RARB: variants seen among roughly 807,000 people sequenced by gnomAD.
RARB encodes the protein retinoic acid receptor beta.
In RARB, 17 loss-of-function variants were observed where a neutral mutation model predicts 51.9. The ratio of observed to expected loss-of-function variants is 0.33; its 90% confidence interval spans 0.22 to 0.49. The LOEUF (loss-of-function observed/expected upper bound fraction) is 0.49. Among genes scored for constraint, RARB ranks in the 20% least tolerant of loss-of-function variants. RARB has a pLI of 0.99. For synonymous variants in RARB, 215 were observed against 195.4 expected, an observed-to-expected ratio of 1.10 and a Z score of -0.84; for missense variants, 369 against 550.8, an observed-to-expected ratio of 0.67 and a Z score of 3.30.
At chr3:24,944,548 G>C (rs1695734971) in intron 2 of RARB, among the ~76,000 whole-genome samples, 1 of 152,138 alleles carries the variant, frequency 6.6e-6, no homozygotes, top group Non-Finnish European at 1.5e-5. Flanking sequence ...AGAAGTAATA[G>C]AGCTAGAATT....
intron 5 of RARB, among the ~76,000 whole-genome samples, chr3:25,207,423 T>A (rs938400951): frequency 3.9e-5 from 6 of 152,214 alleles, no homozygotes; most frequent in Admixed American, 2.6e-4. Context: ...TCACATCTTA[T>A]CTTTCCTGTT....
intron 2 of RARB, among the ~76,000 whole-genome samples, chr3:24,960,457 A>G (rs1227733840): frequency 6.6e-6 from 1 of 152,228 alleles, no homozygotes; most frequent in African/African-American, 2.4e-5. Flanking sequence ...TCAATTGAGC[A>G]GACATCCTGC....
chr3:25,583,604 G>C (rs1701271314), intron 5 of RARB, among the ~76,000 whole-genome samples: 1 of 152,226 alleles, frequency 6.6e-6, no homozygotes, highest in African/African-American at 2.4e-5. Flanking sequence ...GAATCATGAG[G>C]TGAGAGCCCT....
chr3:24,908,338 A>T (rs1304236663), intron 2 of RARB, among the ~76,000 whole-genome samples: 9 of 152,038 alleles, frequency 5.9e-5, no homozygotes, highest in East Asian at 3.9e-4. Context: ...CCTATTTTTT[A>T]AAAAATATGT....
intron 2 of RARB, among the ~76,000 whole-genome samples, chr3:24,934,826 A>C (rs76091220): frequency 0.038 from 5,708 of 152,190 alleles, 222 homozygotes; most frequent in East Asian, 0.18. Flanking sequence ...ATAAAGCATA[A>C]AATGAATTTA....
chr3:25,491,760 G>T (rs1449626596), intron 2 of RARB, among the ~76,000 whole-genome samples: 2 of 152,074 alleles, frequency 1.3e-5, no homozygotes, highest in Admixed American at 1.3e-4. Context: ...GGCCAACATG[G>T]TGAAACCCTG....
intron 5 of RARB, among the ~76,000 whole-genome samples, chr3:25,179,285 T>G (rs923285272): frequency 3.3e-5 from 5 of 152,210 alleles, no homozygotes; most frequent in African/African-American, 9.6e-5. Flanking sequence ...GACAATTGGC[T>G]CAGAGGTGTG....
At chr3:25,041,290 T>C (rs574626587) in intron 2 of RARB, among the ~76,000 whole-genome samples, 1 of 152,308 alleles carries the variant, frequency 6.6e-6, no homozygotes, top group South Asian at 2.1e-4. Context: ...AAGTTCTATA[T>C]TTGATGAATT....
intron 2 of RARB, among the ~76,000 whole-genome samples, chr3:25,014,196 A>C (rs1437250418): frequency 6.6e-6 from 1 of 152,034 alleles, no homozygotes; most frequent in African/African-American, 2.4e-5. Context: ...CCTTTTTGCA[A>C]TATAACTATG....
chr3:24,994,928 C>A (rs1480527805), intron 2 of RARB, among the ~76,000 whole-genome samples: 1 of 152,078 alleles, frequency 6.6e-6, no homozygotes, highest in Non-Finnish European at 1.5e-5. Context: ...TAGTGTGATA[C>A]TTCCAGCTTT....
At chr3:25,348,284 A>C (rs1705456043) in intron 5 of RARB, among the ~76,000 whole-genome samples, 1 of 152,156 alleles carries the variant, frequency 6.6e-6, no homozygotes, top group Non-Finnish European at 1.5e-5. Flanking sequence ...AAAATGAAAT[A>C]ATTGCTTAGA....
At chr3:25,077,151 C>T (rs979914225) in intron 3 of RARB, among the ~76,000 whole-genome samples, 2 of 152,176 alleles carry the variant, frequency 1.3e-5, no homozygotes, top group Non-Finnish European at 2.9e-5. Flanking sequence ...CCTCAAATAG[C>T]ATGTTTTCCT....
chr3:25,349,056 A>G (rs796371357), intron 5 of RARB, among the ~76,000 whole-genome samples: 2 of 152,136 alleles, frequency 1.3e-5, no homozygotes, highest in African/African-American at 2.4e-5. Flanking sequence ...TTTACATTCC[A>G]GTTTATATTA....
At chr3:25,013,982 T>C (rs1697454159) in intron 2 of RARB, among the ~76,000 whole-genome samples, 1 of 152,126 alleles carries the variant, frequency 6.6e-6, no homozygotes, top group Non-Finnish European at 1.5e-5. Flanking sequence ...CATCAGGACT[T>C]GGTCTACCCT....
chr3:25,397,080 G>T (rs891654725), intron 5 of RARB, among the ~76,000 whole-genome samples: 6 of 152,150 alleles, frequency 3.9e-5, no homozygotes, highest in African/African-American at 1.4e-4. Flanking sequence ...TGCCCAGGAA[G>T]TTGAAATTAT....
At chr3:25,400,008 C>A (rs868166213) in intron 5 of RARB, among the ~76,000 whole-genome samples, 1 of 152,184 alleles carries the variant, frequency 6.6e-6, no homozygotes, top group Admixed American at 6.5e-5. Context: ...TCTGAGGATT[C>A]TCCTAAAGAG....
chr3:25,240,699 T>G (rs1702411079), intron 5 of RARB, among the ~76,000 whole-genome samples: 1 of 152,224 alleles, frequency 6.6e-6, no homozygotes, highest in Non-Finnish European at 1.5e-5. Flanking sequence ...TCATGGTGTA[T>G]TATCTTTTTG....
chr3:25,073,150 T>A (rs1482199431), intron 3 of RARB, among the ~76,000 whole-genome samples: 1 of 152,198 alleles, frequency 6.6e-6, no homozygotes, highest in Non-Finnish European at 1.5e-5. Flanking sequence ...GCAAGTGATG[T>A]GTGCGTCTAC....
chr3:25,394,814 G>A (rs914272259), intron 5 of RARB, among the ~76,000 whole-genome samples: 1 of 152,120 alleles, frequency 6.6e-6, no homozygotes, highest in Non-Finnish European at 1.5e-5. Flanking sequence ...TGAGTCTCTA[G>A]AAGGCAGCAG....
Sources: gnomAD v4.1 joint callset for allele counts (sites outside exome capture counted in the v4.1 genomes callset) on GRCh38, gnomAD v4.1.1 for gene constraint, MANE v1.5 for transcripts, NCBI Gene and HGNC (gene_info 2026-07-23, HGNC 2026-07-21) for gene names.